The following RASEF variants were observed in gnomAD, a reference collection of about 807,000 sequenced individuals.
RASEF encodes RAS and EF-hand domain containing, also known as ras and EF-hand domain-containing protein.
In RASEF, 68 loss-of-function variants were observed where a neutral mutation model predicts 90.1. The ratio of observed to expected loss-of-function variants is 0.75; its 90% CI spans 0.62 to 0.92. The LOEUF (loss-of-function observed/expected upper bound fraction) is 0.92. RASEF is among the 40% of genes least tolerant of loss of function. The pLI, the probability that RASEF is intolerant of heterozygous loss-of-function variation, is 0.00. For synonymous variants in RASEF, 331 were observed against 345.2 expected (o/e 0.96, Z 0.46); for missense variants, 949 against 937.2 (o/e 1.01, Z -0.16).
chr9:83,067,419 A>C (rs763948248), upstream of RASEF, among the ~76,000 whole-genome samples: 13 of 152,238 alleles, frequency 8.5e-5, no homozygotes, highest in Non-Finnish European at 1.8e-4. Flanking sequence ...CCTTTATGTA[A>C]AGCATGAAAA....
the RASEF span, among the ~76,000 whole-genome samples, chr9:83,080,265 T>C: frequency 1.3e-5 from 2 of 152,198 alleles, no homozygotes; most frequent in Non-Finnish European, 2.9e-5. Flanking sequence ...AGCAAACATA[T>C]TTCCACTTCC....
chr9:83,166,873 A>G, the RASEF span, among the ~76,000 whole-genome samples: 1 of 152,154 alleles, frequency 6.6e-6, no homozygotes, highest in African/African-American at 2.4e-5. Context: ...CACTAAACAG[A>G]GCAGATCTCT....
At chr9:83,037,622 T>A (rs1349782292) in intron 1 of RASEF, among the ~76,000 whole-genome samples, 3 of 152,160 alleles carry the variant, frequency 2.0e-5, no homozygotes. Context: ...TTGACACACA[T>A]AATTACATTA....
intron 1 of RASEF, among the ~76,000 whole-genome samples, chr9:83,059,988 A>AC (rs1192378450): frequency 1.3e-5 from 2 of 152,216 alleles, no homozygotes; most frequent in Admixed American, 1.3e-4. Context: ...GGCGAGTTTA[A>AC]CCCAAAATTG....
chr9:83,011,043 G>A (rs1173899410), intron 5 of RASEF, among the ~76,000 whole-genome samples: 1 of 152,090 alleles, frequency 6.6e-6, no homozygotes, highest in East Asian at 1.9e-4. Context: ...TTGTGAGGGG[G>A]AATGTAGACA....
At chr9:83,039,469 C>T (rs1369025298) in intron 1 of RASEF, among the ~76,000 whole-genome samples, 5 of 152,090 alleles carry the variant, frequency 3.3e-5, no homozygotes, top group South Asian at 4.1e-4. Flanking sequence ...ACTGGATCTG[C>T]GACAGGCTCA....
chr9:83,115,939 C>A, the RASEF span, among the ~76,000 whole-genome samples: 5 of 151,294 alleles, frequency 3.3e-5, no homozygotes, highest in Admixed American at 3.3e-4. Context: ...ATAATTAAAA[C>A]CATGTCTATC....
intron 1 of RASEF, chr9:83,055,319 C>T (rs557133446): frequency 1.4e-4 from 56 of 387,098 alleles, no homozygotes; most frequent in Non-Finnish European, 2.2e-4. Flanking sequence ...CAGGTGCGTC[C>T]GTCACCCCTT....
chr9:83,020,162 G>C (rs1442526011), intron 3 of RASEF, among the ~76,000 whole-genome samples: 1 of 152,204 alleles, frequency 6.6e-6, no homozygotes, highest in Non-Finnish European at 1.5e-5. Context: ...TATGCCATAG[G>C]AGTCAAGGAC....
the RASEF span, among the ~76,000 whole-genome samples, chr9:83,185,248 A>G: frequency 6.6e-6 from 1 of 151,994 alleles, no homozygotes; most frequent in Admixed American, 6.5e-5. Context: ...TAATAGAGCC[A>G]ACACTGTGCC....
intron 1 of RASEF, chr9:83,055,391 C>T (rs1233608728): frequency 6.0e-6 from 3 of 503,744 alleles, no homozygotes; most frequent in African/African-American, 4.0e-5. Context: ...CAATGCCTCG[C>T]CCTGCTTCGG....
intron 1 of RASEF, among the ~76,000 whole-genome samples, chr9:83,057,266 T>C (rs903260397): frequency 1.3e-5 from 2 of 152,176 alleles, no homozygotes; most frequent in Non-Finnish European, 2.9e-5. Flanking sequence ...TGGCTGACAA[T>C]ATAATCTTAT....
chr9:83,083,578 A>C, the RASEF span, among the ~76,000 whole-genome samples: 71,523 of 151,954 alleles, frequency 0.47, 17,422 homozygotes, highest in East Asian at 0.78. Context: ...AGAGGCAAAA[A>C]ACCCACATAT....
intron 5 of RASEF, 140 bp downstream of exon 5, chr9:83,012,294 G>GAGGATACTATTT: frequency 2.0e-6 from 1 of 492,102 alleles, no homozygotes; most frequent in Non-Finnish European, 3.6e-6. Flanking sequence ...TAGTATCTTT[G>GAGGATACTATTT]ATCAAAGTTA....
At chr9:82,987,633 T>A (rs1587474423) in intron 16 of RASEF, among the ~76,000 whole-genome samples, 1 of 152,274 alleles carries the variant, frequency 6.6e-6, no homozygotes, top group East Asian at 1.9e-4. Flanking sequence ...GAATCGACTC[T>A]TCACCGGGGC....
At chr9:83,110,459 C>A in the RASEF span, among the ~76,000 whole-genome samples, 2 of 152,098 alleles carry the variant, frequency 1.3e-5, no homozygotes, top group South Asian at 2.1e-4. Flanking sequence ...CAAGAGCTGG[C>A]AAACCTAATA....
chr9:83,066,718 A>G (rs1469969916), upstream of RASEF, among the ~76,000 whole-genome samples: 1 of 152,254 alleles, frequency 6.6e-6, no homozygotes, highest in East Asian at 1.9e-4. Context: ...GTGAAAAGAC[A>G]TCTTTGGAAA....
intron 1 of RASEF, among the ~76,000 whole-genome samples, chr9:83,035,974 T>A (rs1343451796): frequency 3.9e-5 from 6 of 152,222 alleles, no homozygotes; most frequent in African/African-American, 1.2e-4. Context: ...AACTGTACAT[T>A]TAAGCTTATT....
chr9:83,093,003 G>A, the RASEF span, among the ~76,000 whole-genome samples: 2 of 150,734 alleles, frequency 1.3e-5, no homozygotes, highest in Non-Finnish European at 2.9e-5. Flanking sequence ...GCCGATTGGT[G>A]TATTTACAAT....
Sources: gnomAD v4.1 joint callset for allele counts (sites outside exome capture counted in the v4.1 genomes callset) on GRCh38, gnomAD v4.1.1 for gene constraint, MANE v1.5 for transcripts, NCBI Gene and HGNC (gene_info 2026-07-23, HGNC 2026-07-21) for gene names.